The following FLRT2 variants were observed in gnomAD, a reference collection of about 807,000 sequenced individuals.
The protein encoded by FLRT2 is fibronectin leucine rich transmembrane protein 2.
FLRT2 carries 15 observed loss-of-function variants against 40.0 expected under a neutral mutation model. That is an observed-to-expected ratio of 0.38 (90% confidence interval 0.25 to 0.58). FLRT2 has a LOEUF of 0.58. FLRT2 is among the 20% of genes least tolerant of loss of function. FLRT2 has a pLI of 0.71. For missense variants in FLRT2, 726 were observed against 840.0 expected, an observed-to-expected ratio of 0.86 and a Z score of 1.68; for synonymous variants, 380 against 336.8, an observed-to-expected ratio of 1.13 and a Z score of -1.41.
rs1307585201 is a variant in FLRT2 at position 85,627,904 on chromosome 14, A to G, written c.*4407A>G. 6.0e-6 allele frequency: 1 copy of G among 167,084 alleles called. No individual in the cohort carries two copies. Among genetic ancestry groups the G allele is most frequent in the Non-Finnish European group, 1.5e-5 (1 of 68,114 alleles). The allele number at this position is 167,084 out of a possible 1,614,324, so 10.4% of individuals were successfully genotyped here. On this transcript the variant is annotated 3_prime_UTR_variant, in exon 2 of 2. Coordinates refer to ENST00000330753, the MANE Select transcript of FLRT2 (RefSeq NM_013231.6). ...AGTACCTTGTTGATATATTCAGTAA[A>G]GTCTTATTTTAAAAGAAAACCACAT...
Position 85,641,123 on chromosome 14 carries a change from A to T in FLRT2, c.*17626A>T, listed in dbSNP as rs897958342. 1.3e-5 allele frequency: 2 copies of T among 152,210 alleles called. No individual in the cohort carries two copies. Among genetic ancestry groups the T allele is most frequent in the Non-Finnish European group, 2.9e-5 (2 of 68,044 alleles). 9.4% of individuals were successfully genotyped at this position (152,210 alleles called of 1,614,324 possible). On this transcript the variant is annotated 3_prime_UTR_variant, in exon 2 of 2. Coordinates refer to ENST00000330753, the MANE Select transcript of FLRT2 (RefSeq NM_013231.6). ...CGAAAACCCACGAAAGTGAAAACTA[A>T]CAATAGAGAAGCCTTTTAAAAACCT...
intron 1 of FLRT2, among the ~76,000 whole-genome samples, chr14:85,608,810 C>A (rs141170464): frequency 5.9e-5 from 9 of 152,170 alleles, no homozygotes; most frequent in Non-Finnish European, 1.0e-4. Context: ...AACAGGCCCA[C>A]GCAAACATTT....
chr14:85,565,474 G>A (rs944397721), intron 1 of FLRT2, among the ~76,000 whole-genome samples: 5 of 151,938 alleles, frequency 3.3e-5, no homozygotes, highest in African/African-American at 1.2e-4. Flanking sequence ...GTGGCATCTG[G>A]GACCCCGATA....
chr14:85,552,235 G>A (rs1480895631), intron 1 of FLRT2, among the ~76,000 whole-genome samples: 1 of 152,118 alleles, frequency 6.6e-6, no homozygotes, highest in Non-Finnish European at 1.5e-5. Context: ...TTAGAATTTG[G>A]CTCTGGGTTT....
At position 85,631,112 on chromosome 14, in the gene FLRT2, T is replaced by TTATATA. The variant is rs66700454; in HGVS notation, c.*7627_*7632dup. ...TATAATTACATATATAATCTAGATTTTATATATATATATATATGAAATGAG... is the reference window on the plus strand; with the variant it reads ...TATAATTACATATATAATCTAGATTTTATATATATATATATATATATATGAAATGAG... On this transcript the variant is annotated 3_prime_UTR_variant, in exon 2 of 2. Coordinates refer to ENST00000330753, the MANE Select transcript of FLRT2 (RefSeq NM_013231.6). The TTATATA allele has an allele frequency of 5.9e-4, 54 of 91,862 alleles. 7 individuals are homozygous for TTATATA. The highest frequency in any genetic ancestry group is 2.5e-3 in the East Asian group (7 of 2,796). 5.7% of individuals were successfully genotyped at this position (91,862 alleles called of 1,614,324 possible).
In FLRT2 at chr14:85,648,312, G is replaced by C. The variant is rs1210484831; in HGVS notation, c.*24815G>C. The C allele has an allele frequency of 6.6e-6, 1 of 152,120 alleles. No individual in the cohort carries two copies. Among genetic ancestry groups the C allele is most frequent in the Non-Finnish European group, 1.5e-5 (1 of 68,018 alleles). 9.4% of individuals were successfully genotyped at this position (152,120 alleles called of 1,614,324 possible). On this transcript the variant is annotated 3_prime_UTR_variant, in exon 2 of 2. Transcript: ENST00000330753. ...TTCACATCCTTCTAGGAGTCATCTTGTACTAAAGAAGCTGTAAGCCCACAT... is the reference window on the plus strand; with the variant it reads ...TTCACATCCTTCTAGGAGTCATCTTCTACTAAAGAAGCTGTAAGCCCACAT...
rs1006908559 is a variant in FLRT2, at chr14:85,623,740, A to G, written c.*243A>G. ...TTGCTTTTTAAATCTTAAAAAAAAA[A>G]AAGTTGCTGAAGTACTGTACAGGGT... On this transcript the variant is annotated 3_prime_UTR_variant, in exon 2 of 2. Coordinates refer to ENST00000330753, the MANE Select transcript of FLRT2 (RefSeq NM_013231.6). 2.6e-6 allele frequency: 1 copy of G among 380,272 alleles called. No homozygotes were observed. Among genetic ancestry groups the G allele is most frequent in the Non-Finnish European group, 4.8e-6 (1 of 208,936 alleles). The allele number at this position is 380,272 out of a possible 1,614,324, so 23.6% of individuals were successfully genotyped here. A position where few individuals can be genotyped will look rare whatever the true frequency, so the allele number is the denominator to read the frequency against.
intron 1 of FLRT2, among the ~76,000 whole-genome samples, chr14:85,574,945 G>A (rs369182184): frequency 6.6e-6 from 1 of 152,174 alleles, no homozygotes; most frequent in Non-Finnish European, 1.5e-5. Flanking sequence ...AGGAAACCAA[G>A]GCATTGGCCA....
intron 1 of FLRT2, among the ~76,000 whole-genome samples, chr14:85,600,899 A>G (rs1016643626): frequency 1.3e-5 from 2 of 152,192 alleles, no homozygotes; most frequent in Admixed American, 1.3e-4. Flanking sequence ...ACAGAGTGTT[A>G]TCCATTCTAA....
intron 1 of FLRT2, among the ~76,000 whole-genome samples, 199 bp downstream of exon 1, chr14:85,530,733 C>A (rs1437254399): frequency 6.6e-6 from 1 of 152,040 alleles, no homozygotes; most frequent in African/African-American, 2.4e-5. Context: ...TTGGGGACAT[C>A]TGTCTGCTGG....
chr14:85,571,337 G>C (rs1430257094), intron 1 of FLRT2, among the ~76,000 whole-genome samples: 1 of 152,100 alleles, frequency 6.6e-6, no homozygotes, highest in African/African-American at 2.4e-5. Flanking sequence ...AAAGTTGTGG[G>C]GTGGGGAGAA....
chr14:85,582,510 A>G (rs1375563122), intron 1 of FLRT2, among the ~76,000 whole-genome samples: 3 of 152,102 alleles, frequency 2.0e-5, no homozygotes, highest in Non-Finnish European at 2.9e-5. Context: ...ATTTATTAGC[A>G]TAGATTTTGG....
chr14:85,538,078 C>T (rs1888775491), intron 1 of FLRT2, among the ~76,000 whole-genome samples: 1 of 152,092 alleles, frequency 6.6e-6, no homozygotes, highest in Admixed American at 6.6e-5. Context: ...TTACTGGCCT[C>T]CTGTACCATT....
At chr14:85,550,142 A>G (rs1362024970) in intron 1 of FLRT2, among the ~76,000 whole-genome samples, 1 of 152,220 alleles carries the variant, frequency 6.6e-6, no homozygotes, top group Non-Finnish European at 1.5e-5. Context: ...CTTAAAAACA[A>G]CTGCATGTAG....
In FLRT2 at chr14:85,562,620, C is replaced by CTTTTTTTTTTTTTTTTTTTTTT. The variant is rs3830857; in HGVS notation, c.-377+32100_-377+32101insTTTTTTTTTTTTTTTTTTTTTT. ...CCTCCTAACCCACCTTTCTTTCTTT[C>CTTTTTTTTTTTTTTTTTTTTTT]TTTTTTTTTTTTTTGAATCTAGACT... On this transcript the variant is annotated intron_variant, in intron 1 of 1. Coordinates refer to ENST00000330753, the MANE Select transcript of FLRT2 (RefSeq NM_013231.6). 108 of 115,442 alleles carry CTTTTTTTTTTTTTTTTTTTTTT rather than the reference C, an allele frequency of 9.4e-4. 5 individuals carry two copies. The highest frequency in any genetic ancestry group is 5.4e-3 in the Middle Eastern group (1 of 184). The allele number at this position is 115,442 out of a possible 1,614,324, so 7.2% of individuals were successfully genotyped here.
rs1473827954 is a variant in FLRT2, at chr14:85,651,950, C to T, written c.*28453C>T. 1 of 151,994 alleles carries T rather than the reference C, an allele frequency of 6.6e-6. No individual in the cohort carries two copies. Among genetic ancestry groups the T allele is most frequent in the Non-Finnish European group, 1.5e-5 (1 of 67,906 alleles). The allele number at this position is 151,994 out of a possible 1,614,324, so 9.4% of individuals were successfully genotyped here. ...TCACCTGCCTATTAAATATGCTTTC[C>T]CACTAGGGCTGGGGCTAATGGAAAA... is the stretch of plus-strand genomic sequence containing the variant. On this transcript the variant is annotated 3_prime_UTR_variant, in exon 2 of 2. Transcript: ENST00000330753.
In FLRT2 at chr14:85,545,909, A is replaced by G. The variant is rs578003761; in HGVS notation, c.-377+15375A>G. 2.6e-3 allele frequency among the ~76,000 whole-genome samples: 393 copies of G among 152,338 alleles called. 1 individual carries two copies. The highest frequency in any genetic ancestry group is 9.3e-3 in the African/African-American group (385 of 41,572). On this transcript the variant is annotated intron_variant, in intron 1 of 1. Coordinates refer to ENST00000330753, the MANE Select transcript of FLRT2 (RefSeq NM_013231.6). ...GAATGACCAGAGGGAAGATAATAGC[A>G]TAAAGTGTGTGGCCTCTGAGAGGGC...
chr14:85,616,440 G>A (rs147820335), intron 1 of FLRT2, among the ~76,000 whole-genome samples: 242 of 152,200 alleles, frequency 1.6e-3, no homozygotes, highest in African/African-American at 5.6e-3. Context: ...ACATGAGTTC[G>A]TTTAATATCT....
At chr14:85,568,857 G>C (rs891213291) in intron 1 of FLRT2, among the ~76,000 whole-genome samples, 1 of 152,200 alleles carries the variant, frequency 6.6e-6, no homozygotes, top group African/African-American at 2.4e-5. Context: ...TATGTGGTAT[G>C]TAAATCATCT....
Sources: allele counts gnomAD v4.1 joint callset (sites outside exome capture counted in the v4.1 genomes callset), GRCh38; gene constraint gnomAD v4.1.1; transcripts MANE v1.5; gene names NCBI Gene and HGNC (gene_info 2026-07-23, HGNC 2026-07-21).